The following TRIM69 variants were observed in gnomAD, a reference collection of about 807,000 sequenced individuals.
TRIM69 encodes the protein E3 ubiquitin-protein ligase TRIM69.
TRIM69 carries 29 observed loss-of-function variants against 37.7 expected under a neutral mutation model. That is an observed-to-expected ratio of 0.77 (90% CI 0.57 to 1.05). The LOEUF is 1.05. Among genes scored for constraint, TRIM69 ranks in the 50% least tolerant of loss-of-function variants. The pLI is 0.00. For synonymous variants in TRIM69, 209 were observed against 212.4 expected (o/e 0.98, Z 0.14); for missense variants, 596 against 579.9 (o/e 1.03, Z -0.28).
At chr15:44,744,144 A>C (rs1166632308) in intron 1 of TRIM69, among the ~76,000 whole-genome samples, 2 of 151,646 alleles carry the variant, frequency 1.3e-5, no homozygotes, top group African/African-American at 4.8e-5. Flanking sequence ...TGATGAGTTC[A>C]TGTCCTTTTT....
chr15:44,767,521 C>G lies in TRIM69; in HGVS notation c.1252C>G (p.Leu418Val). The G allele has an allele frequency of 1.9e-6, 3 of 1,614,222 alleles. No homozygotes were observed. The highest frequency in any genetic ancestry group is 2.5e-6 in the Non-Finnish European group (3 of 1,180,046). ...TGAGCAAGGATTCTGGCTTTTAAGACTAAGGAACCAAACTGATCTAAAGGC... is the reference window on the plus strand; with the variant it reads ...TGAGCAAGGATTCTGGCTTTTAAGAGTAAGGAACCAAACTGATCTAAAGGC... Reference protein sequence around the residue: ...TPEQGFWLLRLRNQTDLKALD... With the variant: ...TPEQGFWLLRVRNQTDLKALD... The change falls in exon 7 of 7, where the codon CTA (leucine) becomes GTA (valine). Residue 418 changes from leucine (L) to valine (V), a missense_variant. Transcript: ENST00000329464.
chr15:44,754,817 C>T (rs2087608081), intron 1 of TRIM69, 83 bp from the exon 2 acceptor site: 3 of 1,031,880 alleles, frequency 2.9e-6, no homozygotes, highest in African/African-American at 1.6e-5. Flanking sequence ...ATTTTCAGCT[C>T]CTTTAGGAAT....
At chr15:44,754,678 C>A (rs2087605104) in intron 1 of TRIM69, 1 of 524,438 alleles carries the variant, frequency 1.9e-6, no homozygotes, top group East Asian at 3.0e-5. Flanking sequence ...TGATTTAGTA[C>A]TGTTTCTTCC....
chr15:44,748,926 G>A (rs1031003092), intron 1 of TRIM69, among the ~76,000 whole-genome samples: 2 of 151,706 alleles, frequency 1.3e-5, no homozygotes, highest in Non-Finnish European at 2.9e-5. Context: ...TGTCGCCCAG[G>A]CTAGAGTGCA....
At chr15:44,756,307 T>C (rs1728478471) in intron 2 of TRIM69, 61 bp from the exon 3 acceptor site, 1 of 1,202,984 alleles carries the variant, frequency 8.3e-7, no homozygotes, top group African/African-American at 1.5e-5. Context: ...TTGGGGAAGA[T>C]GTCCTTTATG....
At chr15:44,759,579 C>G (rs1343478042) in intron 4 of TRIM69, 61 bp from the exon 5 acceptor site, 2 of 1,587,774 alleles carry the variant, frequency 1.3e-6, no homozygotes, top group Non-Finnish European at 1.7e-6. Context: ...CTGGTATCAC[C>G]AAAGAAATTT....
At chr15:44,746,141 G>C (rs1056016850) in intron 1 of TRIM69, among the ~76,000 whole-genome samples, 1 of 152,140 alleles carries the variant, frequency 6.6e-6, no homozygotes, top group Non-Finnish European at 1.5e-5. Context: ...TTATGTACAA[G>C]AGAGCCTCAA....
At chr15:44,751,840 G>T (rs2087539985) in intron 1 of TRIM69, among the ~76,000 whole-genome samples, 1 of 152,080 alleles carries the variant, frequency 6.6e-6, no homozygotes, top group East Asian at 1.9e-4. Context: ...CCACTTCCTG[G>T]GTTCAGGTGA....
At chr15:44,744,588 T>G (rs560481346) in intron 1 of TRIM69, among the ~76,000 whole-genome samples, 1 of 152,248 alleles carries the variant, frequency 6.6e-6, no homozygotes, top group South Asian at 2.1e-4. Context: ...GGGAAATATT[T>G]AATAATAATT....
intron 6 of TRIM69, among the ~76,000 whole-genome samples, chr15:44,766,097 A>G (rs920425876): frequency 2.0e-5 from 3 of 152,246 alleles, no homozygotes; most frequent in African/African-American, 4.8e-5. Flanking sequence ...AAAAAATCTC[A>G]ATCTGTCATG....
At chr15:44,751,364 C>G (rs1427465067) in intron 1 of TRIM69, among the ~76,000 whole-genome samples, 2 of 152,164 alleles carry the variant, frequency 1.3e-5, no homozygotes, top group African/African-American at 4.8e-5. Context: ...GATCTGCCCA[C>G]CTCGGCCTCC....
In TRIM69 at chr15:44,741,587, A is replaced by C. The variant is rs2087286890; in HGVS notation, c.6+4877A>C. 2.6e-5 allele frequency among the ~76,000 whole-genome samples: 4 copies of C among 152,220 alleles called. No homozygotes were observed. The South Asian group carries it at 8.3e-4, about 32-fold the overall frequency. On this transcript the variant is annotated intron_variant, in intron 1 of 6. Coordinates refer to ENST00000329464, the MANE Select transcript of TRIM69 (RefSeq NM_182985.5). ...ACTGCTAGCAAGACTAATAAAGAAGAAAAGAGAGAAGAATCAAATAGAAGC... is the reference window on the plus strand; with the variant it reads ...ACTGCTAGCAAGACTAATAAAGAAGCAAAGAGAGAAGAATCAAATAGAAGC...
Position 44,767,292 on chromosome 15 carries a change from C to T in TRIM69, c.1023C>T (p.Ser341=). ...ACCCAAATCTGGTGCTCTCCAAAAG[C>T]CAAACCAGCGTCTGGCATGGTGACA... ...TAHPNLVLSK[S]QTSVWHGDIK... is the part of the protein sequence containing the mutation. Residue 341 remains serine (S), a synonymous_variant, in exon 7 of 7, where the codon AGC becomes AGT. Transcript: ENST00000329464. 1 of 1,613,978 alleles carries T rather than the reference C, an allele frequency of 6.2e-7. No homozygotes were observed.
chr15:44,762,375 G>A (rs1022497763), intron 6 of TRIM69, among the ~76,000 whole-genome samples: 1 of 152,074 alleles, frequency 6.6e-6, no homozygotes, highest in Non-Finnish European at 1.5e-5. Context: ...GCGTCATTGA[G>A]CTGCTTGGAT....
At chr15:44,767,043 T>C (rs1212776325) in intron 6 of TRIM69, among the ~76,000 whole-genome samples, 188 bp from the exon 7 acceptor site, 4 of 13,042 alleles carry the variant, frequency 3.1e-4, no homozygotes, top group Non-Finnish European at 8.2e-4. Flanking sequence ...CTGGGCAACC[T>C]TGTCTGCCTC....
intron 1 of TRIM69, among the ~76,000 whole-genome samples, chr15:44,741,933 C>T (rs1045530019): frequency 2.6e-5 from 4 of 152,114 alleles, no homozygotes; most frequent in Admixed American, 1.3e-4. Flanking sequence ...TTCCAATCAA[C>T]AGAAAAAGAG....
chr15:44,751,914 T>A (rs1389820255), intron 1 of TRIM69, among the ~76,000 whole-genome samples: 4 of 151,290 alleles, frequency 2.6e-5, no homozygotes, highest in African/African-American at 4.9e-5. Flanking sequence ...GCCAATTTTT[T>A]TTTTTTCTTT....
intron 1 of TRIM69, among the ~76,000 whole-genome samples, chr15:44,738,461 C>G (rs2031151505): frequency 6.6e-6 from 1 of 152,128 alleles, no homozygotes. Flanking sequence ...CTCTCTCTGC[C>G]TTAAGGTTAG....
intron 6 of TRIM69, among the ~76,000 whole-genome samples, chr15:44,762,895 A>G (rs2087807423): frequency 6.6e-6 from 1 of 151,958 alleles, no homozygotes; most frequent in African/African-American, 2.4e-5. Context: ...TATGGCTAGT[A>G]ATCTTTTTCT....
Sources: gnomAD v4.1 joint callset for allele counts (sites outside exome capture counted in the v4.1 genomes callset) on GRCh38, gnomAD v4.1.1 for gene constraint, MANE v1.5 for transcripts, NCBI Gene and HGNC (gene_info 2026-07-23, HGNC 2026-07-21) for gene names.